Variants in DAB1 observed in about 807,000 individuals in gnomAD.
The protein encoded by DAB1 is DAB adaptor protein 1.
Under a neutral mutation model 64.6 loss-of-function variants are expected in DAB1, and 15 were observed. That is an observed-to-expected ratio of 0.23 (90% CI 0.16 to 0.36). The LOEUF (loss-of-function observed/expected upper bound fraction) is 0.36. Among genes scored for constraint, DAB1 ranks in the 10% least tolerant of loss-of-function variants. The pLI, the probability that DAB1 is intolerant of heterozygous loss-of-function variation, is 1.00. For missense variants in DAB1, 596 were observed against 706.7 expected (o/e 0.84, Z 1.78); for synonymous variants, 235 against 251.9 (o/e 0.93, Z 0.64).
chr1:58,485,957 T>C (rs112624684), intron 3 of DAB1, among the ~76,000 whole-genome samples: 1 of 152,218 alleles, frequency 6.6e-6, no homozygotes, highest in African/African-American at 2.4e-5. Context: ...CAAGAATATA[T>C]GGTTCTGAGA....
chr1:57,724,764 G>C (rs1647189557), intron 6 of DAB1, among the ~76,000 whole-genome samples: 1 of 152,138 alleles, frequency 6.6e-6, no homozygotes, highest in Admixed American at 6.5e-5. Flanking sequence ...AAAGAAGAAG[G>C]GGAGCAGCTC....
intron 5 of DAB1, among the ~76,000 whole-genome samples, chr1:57,989,336 C>T (rs1646293587): frequency 6.6e-6 from 1 of 152,128 alleles, no homozygotes; most frequent in Non-Finnish European, 1.5e-5. Flanking sequence ...ACACCCATCC[C>T]AGAAAACACA....
Position 58,155,533 on chromosome 1 carries a change from TC to T in DAB1, n.310-4946del, listed in dbSNP as rs1347899691. On this transcript the variant is annotated intron_variant and non_coding_transcript_variant, in intron 4 of 20. Coordinates refer to the DAB1 transcript ENST00000485760. ...GCCCCATCCAGCCTTGGAGTCTCCC[TC>T]TAGCACCCCCTATTGGCAGAGCCTA... 5.9e-5 allele frequency among the ~76,000 whole-genome samples: 9 copies of T among 152,308 alleles called. No individual in the cohort carries two copies. In the East Asian group the frequency reaches 1.5e-3, roughly 26 times the overall value.
intron 3 of DAB1, among the ~76,000 whole-genome samples, chr1:58,467,223 A>G (rs1645306028): frequency 6.6e-6 from 1 of 152,216 alleles, no homozygotes; most frequent in South Asian, 2.1e-4. Flanking sequence ...AACATGTAAC[A>G]AAGTGGCTGT....
At chr1:57,691,124 A>G (rs1646758585) in intron 6 of DAB1, among the ~76,000 whole-genome samples, 2 of 152,008 alleles carry the variant, frequency 1.3e-5, no homozygotes, top group Admixed American at 1.3e-4. Flanking sequence ...TCCTGGGTCG[A>G]GTGGGGACTT....
In DAB1 at chr1:56,996,412, C is replaced by T. The variant is rs974012244; in HGVS notation, c.*1732G>A. The T allele has an allele frequency of 6.6e-6, 1 of 152,100 alleles. No individual in the cohort carries two copies. The highest frequency in any genetic ancestry group is 2.4e-5 in the African/African-American group (1 of 41,432). 9.4% of individuals were successfully genotyped at this position (152,100 alleles called of 1,614,324 possible). ...ACCTGTATAACAATTCTCTGTAGGGCAAAAATATATAGATTCTTTATGAAA... is the reference window on the plus strand; with the variant it reads ...ACCTGTATAACAATTCTCTGTAGGGTAAAAATATATAGATTCTTTATGAAA... On this transcript the variant is annotated 3_prime_UTR_variant, in exon 15 of 15. Transcript: ENST00000371236.
intron 6 of DAB1, among the ~76,000 whole-genome samples, chr1:57,682,120 G>C (rs887458606): frequency 1.1e-4 from 17 of 151,844 alleles, no homozygotes; most frequent in Non-Finnish European, 2.1e-4. Flanking sequence ...TTGCCACAAA[G>C]GTGTAAACAT....
chr1:57,571,162 G>A (rs1645189648), intron 7 of DAB1, among the ~76,000 whole-genome samples: 1 of 152,158 alleles, frequency 6.6e-6, no homozygotes, highest in Admixed American at 6.5e-5. Context: ...GTGACAGTTT[G>A]ACTTCCTCTT....
chr1:57,500,366 G>A (rs996440117), intron 7 of DAB1, among the ~76,000 whole-genome samples: 20 of 152,198 alleles, frequency 1.3e-4, no homozygotes, highest in African/African-American at 4.3e-4. Context: ...AACATGTCTC[G>A]AGATGAAGAA....
intron 5 of DAB1, among the ~76,000 whole-genome samples, chr1:57,961,328 C>T (rs1267292651): frequency 5.3e-5 from 8 of 152,012 alleles, no homozygotes; most frequent in Admixed American, 2.6e-4. Context: ...ATGTGTATAT[C>T]GTACTGTGGA....
At chr1:58,219,411 T>C (rs758029808) in intron 4 of DAB1, among the ~76,000 whole-genome samples, 6 of 152,168 alleles carry the variant, frequency 3.9e-5, no homozygotes, top group Non-Finnish European at 7.4e-5. Flanking sequence ...GCAACACCTC[T>C]GGTTAGCATC....
intron 7 of DAB1, among the ~76,000 whole-genome samples, chr1:57,494,832 C>T (rs1014041129): frequency 3.3e-5 from 5 of 152,240 alleles, no homozygotes; most frequent in South Asian, 2.1e-4. Context: ...ACTTGTTAAT[C>T]GCTCTTGGTT....
chr1:57,666,874 G>A (rs1192958884), intron 6 of DAB1, among the ~76,000 whole-genome samples: 2 of 151,018 alleles, frequency 1.3e-5, no homozygotes, highest in African/African-American at 2.4e-5. Context: ...GGGAGAGGGA[G>A]GGGGAAGGGG....
chr1:58,366,164 C>G (rs1014896909), intron 3 of DAB1, among the ~76,000 whole-genome samples: 2 of 152,106 alleles, frequency 1.3e-5, no homozygotes, highest in Non-Finnish European at 2.9e-5. Flanking sequence ...CCTGAAAGAG[C>G]CAGGGTTTCA....
intron 6 of DAB1, among the ~76,000 whole-genome samples, chr1:57,729,889 C>T (rs1647335843): frequency 1.3e-5 from 2 of 152,188 alleles, no homozygotes; most frequent in South Asian, 4.2e-4. Context: ...AGTGAGACCC[C>T]ATCTCTAAAA....
At chr1:57,763,104 A>G (rs1557466783) in intron 6 of DAB1, among the ~76,000 whole-genome samples, 1 of 152,182 alleles carries the variant, frequency 6.6e-6, no homozygotes, top group Non-Finnish European at 1.5e-5. Context: ...ATGATTAACG[A>G]TGCGACACAG....
intron 7 of DAB1, among the ~76,000 whole-genome samples, chr1:57,432,117 G>GAAAA (rs113942764): frequency 8.5e-6 from 1 of 117,042 alleles, no homozygotes; most frequent in Non-Finnish European, 1.8e-5. Context: ...GCAAGACTCT[G>GAAAA]AAAAAAAAAA....
At chr1:57,107,830 G>T (rs1655306423) in intron 4 of DAB1, among the ~76,000 whole-genome samples, 1 of 152,130 alleles carries the variant, frequency 6.6e-6, no homozygotes, top group African/African-American at 2.4e-5. Context: ...GACAGTCTTG[G>T]TTTGGAAGAC....
At chr1:58,037,160 T>A (rs1023611299) in intron 5 of DAB1, among the ~76,000 whole-genome samples, 2 of 152,144 alleles carry the variant, frequency 1.3e-5, no homozygotes, top group Admixed American at 1.3e-4. Flanking sequence ...TGCATCCCCT[T>A]ATCAGAATGC....
Sources: allele counts gnomAD v4.1 joint callset (sites outside exome capture counted in the v4.1 genomes callset), GRCh38; gene constraint gnomAD v4.1.1; transcripts MANE v1.5; gene names NCBI Gene and HGNC (gene_info 2026-07-23, HGNC 2026-07-21).